STXBP6: variants seen among roughly 807,000 people sequenced by gnomAD.
STXBP6 encodes syntaxin-binding protein 6.
STXBP6 carries 21 observed loss-of-function variants against 26.9 expected under a neutral mutation model. The observed-to-expected ratio is 0.78, with a 90% CI of 0.55 to 1.12. The LOEUF (loss-of-function observed/expected upper bound fraction) is 1.12. Among genes scored for constraint, STXBP6 ranks in the 50% most tolerant of loss-of-function variants. STXBP6 has a pLI of 0.00. For missense variants in STXBP6, 232 were observed against 257.9 expected, an observed-to-expected ratio of 0.90 and a Z score of 0.69; for synonymous variants, 97 against 92.6, an observed-to-expected ratio of 1.05 and a Z score of -0.27.
chr14:24,882,849 A>G (rs924378540), intron 2 of STXBP6, among the ~76,000 whole-genome samples: 4 of 152,224 alleles, frequency 2.6e-5, no homozygotes, highest in African/African-American at 9.6e-5. Context: ...TTACGTATCT[A>G]AAAGCTGGCA....
At chr14:25,036,732 T>C (rs1182357014) in intron 1 of STXBP6, among the ~76,000 whole-genome samples, 2 of 151,550 alleles carry the variant, frequency 1.3e-5, no homozygotes, top group Admixed American at 1.3e-4. Flanking sequence ...GGCAGGCGCC[T>C]GTAGTCCCAG....
intron 4 of STXBP6, among the ~76,000 whole-genome samples, chr14:24,849,257 T>C (rs763505907): frequency 6.6e-6 from 1 of 152,144 alleles, no homozygotes; most frequent in Non-Finnish European, 1.5e-5. Context: ...GGAAAAGATA[T>C]ATTGGCTGCA....
intron 4 of STXBP6, among the ~76,000 whole-genome samples, chr14:24,845,406 C>T (rs2068929623): frequency 2.6e-5 from 4 of 152,002 alleles, no homozygotes; most frequent in African/African-American, 9.7e-5. Flanking sequence ...GAGAAAGAGC[C>T]AAGGTAGAAG....
chr14:25,002,359 C>CTTTTTTTTTTT (rs747010332), intron 1 of STXBP6, among the ~76,000 whole-genome samples: 2,505 of 121,112 alleles, frequency 0.021, 295 homozygotes, highest in African/African-American at 0.071. Context: ...ATTCTTATGA[C>CTTTTTTTTTTT]TTTTTTTTTT....
intron 3 of STXBP6, among the ~76,000 whole-genome samples, chr14:24,856,625 A>T (rs2069341710): frequency 6.6e-6 from 1 of 152,064 alleles, no homozygotes; most frequent in Non-Finnish European, 1.5e-5. Flanking sequence ...CACAATGCAT[A>T]CTGAAAGATA....
chr14:24,943,280 T>C (rs1420269822), intron 2 of STXBP6, among the ~76,000 whole-genome samples: 3 of 152,202 alleles, frequency 2.0e-5, no homozygotes, highest in Non-Finnish European at 4.4e-5. Context: ...TGCCCCTTCT[T>C]CCTTTCTGAA....
intron 2 of STXBP6, among the ~76,000 whole-genome samples, chr14:24,929,087 G>A (rs1408219361): frequency 1.3e-5 from 2 of 152,138 alleles, no homozygotes; most frequent in East Asian, 1.9e-4. Flanking sequence ...GAAATACAAA[G>A]TGAAAAAAGG....
At chr14:24,972,699 A>C (rs1434253414) in intron 2 of STXBP6, among the ~76,000 whole-genome samples, 1 of 152,212 alleles carries the variant, frequency 6.6e-6, no homozygotes, top group African/African-American at 2.4e-5. Context: ...TAAATTTAAG[A>C]ATATGAAAAT....
At chr14:24,974,554 GACAGTGCAGACACCT>G in intron 2 of STXBP6, 96 bp downstream of exon 2, 1 of 929,558 alleles carries the variant, frequency 1.1e-6, no homozygotes, top group Non-Finnish European at 1.5e-6. Context: ...AAAGGAGCAA[GACAGTGCAGACACCT>G]ACAAAACCTG....
At chr14:24,877,843 T>C (rs1341655411) in intron 2 of STXBP6, among the ~76,000 whole-genome samples, 2 of 152,184 alleles carry the variant, frequency 1.3e-5, no homozygotes, top group Non-Finnish European at 2.9e-5. Flanking sequence ...CCACTGGCCT[T>C]CTATAAGCAA....
chr14:25,008,885 C>A (rs942572478), intron 1 of STXBP6, among the ~76,000 whole-genome samples: 1 of 152,152 alleles, frequency 6.6e-6, no homozygotes, highest in African/African-American at 2.4e-5. Flanking sequence ...AACGAAGAGT[C>A]ACTCTAACAT....
At chr14:24,860,516 C>T (rs1234239903) in intron 2 of STXBP6, among the ~76,000 whole-genome samples, 2 of 152,256 alleles carry the variant, frequency 1.3e-5, no homozygotes, top group Non-Finnish European at 2.9e-5. Flanking sequence ...CACCTACACT[C>T]TCATTATTCA....
intron 1 of STXBP6, among the ~76,000 whole-genome samples, chr14:25,033,938 T>C (rs1018745529): frequency 1.3e-5 from 2 of 152,170 alleles, no homozygotes; most frequent in Non-Finnish European, 1.5e-5. Flanking sequence ...AATGCAGGTA[T>C]ATGGCCCTGC....
chr14:24,958,420 A>T (rs2073412460), intron 2 of STXBP6, among the ~76,000 whole-genome samples: 1 of 152,166 alleles, frequency 6.6e-6, no homozygotes, highest in Non-Finnish European at 1.5e-5. Flanking sequence ...AGCTCATTTT[A>T]TGGGGAAGAA....
At chr14:25,031,016 T>G (rs1208265148) in intron 1 of STXBP6, among the ~76,000 whole-genome samples, 1 of 152,166 alleles carries the variant, frequency 6.6e-6, no homozygotes, top group South Asian at 2.1e-4. Flanking sequence ...CTATTGCTAG[T>G]GGAAATTTGT....
intron 1 of STXBP6, among the ~76,000 whole-genome samples, chr14:25,048,698 C>A (rs1191569767): frequency 6.6e-6 from 1 of 152,214 alleles, no homozygotes; most frequent in East Asian, 1.9e-4. Flanking sequence ...CCACTAGCAG[C>A]CTCTGAGACG....
chr14:24,951,390 C>CTCCAGCACATGTTGTT (rs71293203), intron 2 of STXBP6, among the ~76,000 whole-genome samples: 110,022 of 151,742 alleles, frequency 0.73, 40,264 homozygotes, highest in African/African-American at 0.82. Context: ...TCCACATCCT[C>CTCCAGCACATGTTGTT]TCCGGACTTT....
At chr14:24,894,314 G>GA (rs2070898887) in intron 2 of STXBP6, among the ~76,000 whole-genome samples, 2 of 152,190 alleles carry the variant, frequency 1.3e-5, no homozygotes, top group Admixed American at 1.3e-4. Context: ...AGAATTGGAA[G>GA]TCCAAGTCTA....
At chr14:24,862,937 C>T (rs749103433) in intron 2 of STXBP6, among the ~76,000 whole-genome samples, 13 of 152,104 alleles carry the variant, frequency 8.5e-5, no homozygotes, top group East Asian at 1.9e-4. Flanking sequence ...AACGAGGAAG[C>T]GGCATTACTT....
Sources: gnomAD v4.1 joint callset for allele counts (sites outside exome capture counted in the v4.1 genomes callset) on GRCh38, gnomAD v4.1.1 for gene constraint, MANE v1.5 for transcripts, NCBI Gene and HGNC (gene_info 2026-07-23, HGNC 2026-07-21) for gene names.